The following MORC2 variants were observed in gnomAD, a reference collection of about 807,000 sequenced individuals.
MORC2 encodes the protein ATPase MORC2.
Under a neutral mutation model 136.0 loss-of-function variants are expected in MORC2, and 30 were observed. The observed-to-expected ratio is 0.22, with a 90% CI of 0.17 to 0.30. The LOEUF (loss-of-function observed/expected upper bound fraction) is 0.30, where lower values mean the gene tolerates loss of function less well. Among genes scored for constraint, MORC2 ranks in the 10% least tolerant of loss-of-function variants. The pLI is 1.00. For missense variants in MORC2, 922 were observed against 1,333.1 expected (o/e 0.69, Z 4.80); for synonymous variants, 439 against 487.0 (o/e 0.90, Z 1.30).
chr22:30,937,738 G>A lies in MORC2; in HGVS notation c.1370-27C>T. ...TGGAAAGCAAACACCGATACATCAT[G>A]TTAGGAGCCAGCCTCTCTCTCTCCC... is the stretch of plus-strand genomic sequence containing the variant. On this transcript the variant is annotated intron_variant, in intron 14 of 25. Coordinates refer to ENST00000397641, the MANE Select transcript of MORC2 (RefSeq NM_001303256.3). The surrounding 1 kb of genome is among the most constrained non-coding windows in gnomAD (Gnocchi z 4.7). 6.2e-7 allele frequency: 1 copy of A among 1,614,086 alleles called. No individual in the cohort carries two copies. The highest frequency in any genetic ancestry group is 2.2e-5 in the East Asian group (1 of 44,870).
At position 30,932,190 on chromosome 22, in the gene MORC2, T is replaced by TA; in HGVS notation, c.2841+168dup. 2.9e-6 allele frequency: 2 copies of TA among 687,464 alleles called. No homozygotes were observed. Among genetic ancestry groups the TA allele is most frequent in the Non-Finnish European group, 4.8e-6 (2 of 414,438 alleles). 42.6% of individuals were successfully genotyped at this position (687,464 alleles called of 1,614,324 possible). ...CTAAGCCAATTTTTTTCCCACATCA[T>TA]AAACTCTCCTCTTCTTTCAGCAGGA... On this transcript the variant is annotated intron_variant, in intron 24 of 25. Coordinates refer to ENST00000397641, the MANE Select transcript of MORC2 (RefSeq NM_001303256.3). The surrounding 1 kb of genome is among the most constrained non-coding windows in gnomAD (Gnocchi z 4.4).
At chr22:30,965,707 T>C (rs939589254) in intron 1 of MORC2, among the ~76,000 whole-genome samples, 1 of 152,264 alleles carries the variant, frequency 6.6e-6, no homozygotes, top group Non-Finnish European at 1.5e-5. Flanking sequence ...GTTTCTTTCC[T>C]TTCCTTGGCA....
At chr22:30,960,870 G>GT (rs1555945035) in intron 1 of MORC2, among the ~76,000 whole-genome samples, 1 of 140,360 alleles carries the variant, frequency 7.1e-6, no homozygotes, top group African/African-American at 2.6e-5. Context: ...TTGTTATTTT[G>GT]TTTTTTTGTT....
chr22:30,953,966 A>C (rs963977977), intron 3 of MORC2, among the ~76,000 whole-genome samples: 1 of 152,164 alleles, frequency 6.6e-6, no homozygotes, highest in Non-Finnish European at 1.5e-5. Flanking sequence ...TGGAGATAAG[A>C]AAATACTTTC....
rs1479285921 is a variant in MORC2, at chr22:30,928,123, A to T, written c.2926T>A (p.Ser976Thr). The change falls in exon 25 of 26, where the codon TCC (serine) becomes ACC (threonine). Residue 976 changes from serine to threonine, a missense_variant. Ser to Thr is a moderately conservative substitution (Grantham distance 58). Around this residue, in one of 9 missense-constraint regions of MORC2, gnomAD observed 263 missense variants for 388.3 expected, o/e 0.68. Transcript: ENST00000397641. Reference protein sequence around the residue: ...QSRADSRAKASEESLRTSERK... With the variant: ...QSRADSRAKATEESLRTSERK... ...TCGGAGGTGCGCAGGCTTTCCTCGG[A>T]GGCCTTGGCCCGGGAGTCAGCACGG... 6.2e-7 allele frequency: 1 copy of T among 1,613,882 alleles called. No homozygotes were observed. The highest frequency in any genetic ancestry group is 2.2e-5 in the East Asian group (1 of 44,854).
Position 30,945,085 on chromosome 22 carries a change from C to T in MORC2, c.426+1256G>A, listed in dbSNP as rs145168672. Among the ~76,000 whole-genome samples, 109 of 152,368 alleles carry T rather than the reference C, an allele frequency of 7.2e-4. No homozygotes were observed. The East Asian group carries it at 0.019, about 27-fold the overall frequency. ...GGCCCTGCAGCCAAGTCCCCTCCCA[C>T]AGCCCTCAGGGCCTTAAGCAGGCTG... On this transcript the variant is annotated intron_variant, in intron 6 of 25. Transcript: ENST00000397641.
Position 30,942,170 on chromosome 22 carries a change from A to C in MORC2, c.528T>G (p.Ser176=). ...TCACTTCCTCCTCAGTGCGGAATGG[A>C]GAGTACTTATAGATGAGTTCTGTCT... is the stretch of plus-strand genomic sequence containing the variant. ...AIETELIYKY[S]PFRTEEEVMT... The change falls in exon 7 of 26, where the codon TCT becomes TCG. Residue 176 remains serine, a synonymous_variant. Coordinates refer to ENST00000397641, the MANE Select transcript of MORC2 (RefSeq NM_001303256.3). 1 of 1,614,166 alleles carries C rather than the reference A, an allele frequency of 6.2e-7. No individual in the cohort carries two copies. The highest frequency in any genetic ancestry group is 1.1e-5 in the South Asian group (1 of 91,082).
chr22:30,951,418 G>C (rs1190948744), intron 3 of MORC2, among the ~76,000 whole-genome samples: 4 of 152,180 alleles, frequency 2.6e-5, no homozygotes, highest in Admixed American at 2.6e-4. Flanking sequence ...GTGAGCAAAA[G>C]AGAAACCAGC....
intron 6 of MORC2, among the ~76,000 whole-genome samples, chr22:30,945,064 C>T (rs2040795977): frequency 6.6e-6 from 1 of 152,230 alleles, no homozygotes; most frequent in Admixed American, 6.5e-5. Context: ...CCAGGTGGCC[C>T]TGCAGCCAAG....
At position 30,942,082 on chromosome 22, in the gene MORC2, C is replaced by T. The variant is rs201936781; in HGVS notation, c.586+30G>A. The T allele has an allele frequency of 1.5e-3, 2,387 of 1,611,866 alleles. 2 individuals are homozygous for T. Among genetic ancestry groups the T allele is most frequent in the Non-Finnish European group, 1.9e-3 (2,196 of 1,178,022 alleles). ...CTTGTGATTCTGGAGCTCCCAGATT[C>T]TAGGGGCTACAGGCTCAAAGCCTAC... is the stretch of plus-strand genomic sequence containing the variant. On this transcript the variant is annotated intron_variant, in intron 7 of 25. Coordinates refer to ENST00000397641, the MANE Select transcript of MORC2 (RefSeq NM_001303256.3).
chr22:30,940,786 C>G lies in MORC2; in HGVS notation c.876G>C (p.Val292=). The G allele has an allele frequency of 6.2e-7, 1 of 1,614,162 alleles. No individual in the cohort carries two copies. ...SRFKTRAEQE[V]KKAEHVARIA... The stretch of plus-strand genomic sequence containing the variant: ...TCCTTGCTACGTGCTCTGCTTTCTT[C>G]ACCTCCTGCTCCGCACGGGTCTTGA... The change falls in exon 10 of 26, where the codon GTG becomes GTC. Residue 292 remains valine (V), a synonymous_variant. Coordinates refer to ENST00000397641, the MANE Select transcript of MORC2 (RefSeq NM_001303256.3).
chr22:30,965,139 C>G (rs1404359443), intron 1 of MORC2, among the ~76,000 whole-genome samples: 1 of 152,250 alleles, frequency 6.6e-6, no homozygotes. Flanking sequence ...CTGCACCACA[C>G]TGATTTCCAC....
Position 30,956,760 on chromosome 22 carries a change from T to C in MORC2, c.157+3A>G. 1 of 1,543,046 alleles carries C rather than the reference T, an allele frequency of 6.5e-7. No homozygotes were observed. Among genetic ancestry groups the C allele is most frequent in the Non-Finnish European group, 8.8e-7 (1 of 1,140,642 alleles). On this transcript the variant is annotated splice_donor_region_variant and intron_variant, in intron 3 of 25. Transcript: ENST00000397641. ...ACATTAGAAGGACTAAAGCCTGACT[T>C]ACCTGCATAAATATCTATTCTGGTG...
chr22:30,950,339 A>ACTC, intron 4 of MORC2, 38 bp downstream of exon 4: 1 of 539,984 alleles, frequency 1.9e-6, no homozygotes, highest in South Asian at 1.7e-5. Context: ...GTTACATCGC[A>ACTC]CCCCCCCACC....
intron 5 of MORC2, 26 bp from the exon 6 acceptor site, chr22:30,946,475 T>C: frequency 6.4e-7 from 1 of 1,571,440 alleles, no homozygotes; most frequent in East Asian, 2.3e-5. Flanking sequence ...AAATGGGTGT[T>C]ATTCTCCCAG....
rs1489368166 is a variant in MORC2 at position 30,933,928 on chromosome 22, G to T, written c.2325+132C>A. The stretch of plus-strand genomic sequence containing the variant: ...AGAGTTGGTGCAGACTGCTGGTGGG[G>T]GGGGTAGACTGCTGGTGGGTTGTGT... On this transcript the variant is annotated intron_variant, in intron 20 of 25. Coordinates refer to ENST00000397641, the MANE Select transcript of MORC2 (RefSeq NM_001303256.3). The T allele has an allele frequency of 8.3e-6, 9 of 1,079,846 alleles. No individual in the cohort carries two copies. The East Asian group carries it at 1.4e-4, about 17-fold the overall frequency. 66.9% of individuals were successfully genotyped at this position (1,079,846 alleles called of 1,614,324 possible). A position where few individuals can be genotyped will look rare whatever the true frequency, so the allele number is the denominator to read the frequency against.
chr22:30,940,155 G>T, intron 10 of MORC2, 114 bp from the exon 11 acceptor site: 1 of 1,063,186 alleles, frequency 9.4e-7, no homozygotes, highest in Middle Eastern at 2.0e-4. Context: ...GAAAAAAAGA[G>T]TAGGGGGAGC....
At position 30,940,045 on chromosome 22, in the gene MORC2, A is replaced by C; in HGVS notation, c.905-4T>G. The C allele has an allele frequency of 6.2e-7, 1 of 1,613,286 alleles. No individual in the cohort carries two copies. Among genetic ancestry groups the C allele is most frequent in the Non-Finnish European group, 8.5e-7 (1 of 1,179,884 alleles). ...GCCTCCCGCGCCTTCTCTTCAGCTG[A>C]AACCCAGAAGAGAACATGGTAAGAA... On this transcript the variant is annotated splice_polypyrimidine_tract_variant and splice_region_variant and intron_variant, in intron 10 of 25. Transcript: ENST00000397641.
Position 30,938,225 on chromosome 22 carries a change from C to A in MORC2, c.1074-20G>T. ...AGTGCTCTAAGAAGACAAAAAAACT[C>A]AAGCAGATCTACACATCGGCACACA... On this transcript the variant is annotated intron_variant, in intron 12 of 25. Coordinates refer to ENST00000397641, the MANE Select transcript of MORC2 (RefSeq NM_001303256.3). 1 of 1,608,126 alleles carries A rather than the reference C, an allele frequency of 6.2e-7. No individual in the cohort carries two copies.
Sources: gnomAD v4.1 joint callset for allele counts (sites outside exome capture counted in the v4.1 genomes callset) on GRCh38, gnomAD v4.1.1 for gene constraint, gnomAD v4.1.1 regional missense constraint, Gnocchi (gnomAD v3.1) non-coding constraint, MANE v1.5 for transcripts, NCBI Gene and HGNC (gene_info 2026-07-23, HGNC 2026-07-21) for gene names.